INF2: variants seen among roughly 807,000 people sequenced by gnomAD.
INF2 encodes the protein inverted formin 2.
In INF2, 43 loss-of-function variants were observed where a neutral mutation model predicts 123.5. That is an observed-to-expected ratio of 0.35 (90% confidence interval 0.27 to 0.45). INF2 has a LOEUF of 0.45. Ranked by LOEUF, INF2 falls within the 20% of genes least tolerant of loss-of-function variation. INF2 has a pLI of 1.00. For missense variants in INF2, 1,453 were observed against 1,682.7 expected (o/e 0.86, Z 2.39); for synonymous variants, 851 against 745.0 (o/e 1.14, Z -2.32).
In INF2 at chr14:104,721,297, G is replaced by A. The variant is rs1246904593; in HGVS notation, c.*2504G>A. 7.3e-6 allele frequency: 1 copy of A among 136,828 alleles called. No individual in the cohort carries two copies. The highest frequency in any genetic ancestry group is 2.9e-5 in the African/African-American group (1 of 34,756). 8.5% of individuals were successfully genotyped at this position (136,828 alleles called of 1,614,324 possible). On this transcript the variant is annotated 3_prime_UTR_variant, in exon 23 of 23. Transcript: ENST00000392634. ...TGTGGATGCTGCTGTGGACGTCTGC[G>A]TAGTCTCGTGTGGATGCTGCTGTGG...
intron 22 of INF2, among the ~76,000 whole-genome samples, chr14:104,717,295 TCCCCC>T (rs35581629): frequency 2.2e-5 from 2 of 92,148 alleles, no homozygotes; most frequent in African/African-American, 1.0e-4. Flanking sequence ...GTCCTCCCAG[TCCCCC>T]CCCCGGGCAG....
At chr14:104,701,106 G>C (rs1346333856) in intron 1 of INF2, among the ~76,000 whole-genome samples, 1 of 152,034 alleles carries the variant, frequency 6.6e-6, no homozygotes, top group Non-Finnish European at 1.5e-5. Flanking sequence ...CCTGAGCCTC[G>C]GGGTCCTCAT....
chr14:104,701,777 G>A (rs1197915845), intron 2 of INF2, 21 bp downstream of exon 2: 2 of 1,467,310 alleles, frequency 1.4e-6, no homozygotes, highest in Non-Finnish European at 1.8e-6. Context: ...GTGTGGGAGG[G>A]CCGCCCAGGC....
Position 104,701,503 on chromosome 14 carries a change from T to G in INF2, c.138T>G (p.Ser46=). The G allele has an allele frequency of 6.2e-7, 1 of 1,605,816 alleles. No individual in the cohort carries two copies. The highest frequency in any genetic ancestry group is 8.5e-7 in the Non-Finnish European group (1 of 1,176,738). Residue 46 remains serine, a synonymous_variant, in exon 2 of 23, where the codon TCT becomes TCG. Transcript: ENST00000392634. The part of the protein sequence containing the change: ...ELCIRLLQMP[S]VVNYSGLRKR... Reference sequence around the variant, plus strand: ...GCATCCGGCTGCTCCAGATGCCCTCTGTGGTCAACTACTCCGGCCTGCGCA... The same window carrying G: ...GCATCCGGCTGCTCCAGATGCCCTCGGTGGTCAACTACTCCGGCCTGCGCA...
intron 19 of INF2, 25 bp from the exon 20 acceptor site, chr14:104,713,420 T>G: frequency 3.1e-6 from 5 of 1,604,264 alleles, no homozygotes; most frequent in Non-Finnish European, 4.3e-6. Context: ...CCCATGCCGC[T>G]CTCTGAGTGC....
chr14:104,690,313 G>T (rs1888879725), intron 1 of INF2: 1 of 152,234 alleles, frequency 6.6e-6, no homozygotes, highest in African/African-American at 2.4e-5. Flanking sequence ...ATCCCTGTAC[G>T]CCCCCAGACC....
Position 104,714,316 on chromosome 14 carries a change from G to C in INF2, c.3154G>C (p.Ala1052Pro). The C allele has an allele frequency of 6.3e-7, 1 of 1,590,066 alleles. No homozygotes were observed. The highest frequency in any genetic ancestry group is 8.6e-7 in the Non-Finnish European group (1 of 1,169,470). Residue 1052 changes from alanine (A) to proline (P), a missense_variant, in exon 21 of 23, where the codon GCC becomes CCC. Ala to Pro is a conservative substitution (Grantham distance 27). Transcript: ENST00000392634. ...SESRGWDLVD[A>P]VTPGPQPTLE... ...GTCCCGGGGCTGGGACCTTGTAGACGCCGTGACCCCCGGCCCTCAGCCCAC... is the reference window on the plus strand; with the variant it reads ...GTCCCGGGGCTGGGACCTTGTAGACCCCGTGACCCCCGGCCCTCAGCCCAC...
Position 104,703,905 on chromosome 14 carries a change from T to C in INF2, c.668-11T>C. On this transcript the variant is annotated splice_polypyrimidine_tract_variant and intron_variant, in intron 4 of 22. Coordinates refer to ENST00000392634, the MANE Select transcript of INF2 (RefSeq NM_022489.4). ...CCTCCGAACCCTCTGACCCTGTCCG[T>C]CCCTTCCCAGGGCTGCAGCTGCTGG... 6.2e-7 allele frequency: 1 copy of C among 1,611,130 alleles called. No homozygotes were observed. The highest frequency in any genetic ancestry group is 8.5e-7 in the Non-Finnish European group (1 of 1,179,900).
chr14:104,682,922 G>C (rs1888562556), intron 1 of INF2, among the ~76,000 whole-genome samples: 1 of 152,070 alleles, frequency 6.6e-6, no homozygotes, highest in South Asian at 2.1e-4. Context: ...TGCGCTAGTG[G>C]CTGGGGCCTC....
chr14:104,683,547 G>A (rs989142335), intron 1 of INF2, among the ~76,000 whole-genome samples: 21 of 152,016 alleles, frequency 1.4e-4, no homozygotes, highest in South Asian at 4.1e-4. Context: ...GCAGACAGTC[G>A]CAGTGGTGTC....
chr14:104,689,592 C>G, upstream of INF2: 1 of 591,646 alleles, frequency 1.7e-6, no homozygotes, highest in African/African-American at 2.0e-5. Context: ...CCTCTTCCTC[C>G]CGCCCGCCCC....
intron 1 of INF2, among the ~76,000 whole-genome samples, chr14:104,682,752 A>G (rs1888556294): frequency 6.6e-6 from 1 of 152,124 alleles, no homozygotes; most frequent in South Asian, 2.1e-4. Flanking sequence ...TCACCGTGAA[A>G]CCAAGCCCTC....
At chr14:104,686,313 G>A (rs117321464), upstream of INF2, among the ~76,000 whole-genome samples, 1,268 of 151,668 alleles carry the variant, frequency 8.4e-3, 2 homozygotes, top group Non-Finnish European at 0.015. Flanking sequence ...GGGTAGGTGG[G>A]TGGATGGGTG....
Position 104,711,014 on chromosome 14 carries a change from CA to C in INF2, c.2310+8del, listed in dbSNP as rs3840006. 909,812 of 1,611,186 alleles carry C rather than the reference CA, an allele frequency of 0.56. 261,314 individuals are homozygous for C. The highest frequency in any genetic ancestry group is 0.91 in the East Asian group (40,692 of 44,784). ...TGGGAACTTCCTCAACTACGTAAGT[CA>C]GGGGCAGCTCCCCATCCCACCTGGT... On this transcript the variant is annotated splice_region_variant and intron_variant, in intron 14 of 22. Transcript: ENST00000392634.
At chr14:104,708,869 G>T in intron 10 of INF2, 137 bp downstream of exon 10, 1 of 974,482 alleles carries the variant, frequency 1.0e-6, no homozygotes, top group Admixed American at 1.8e-5. Flanking sequence ...GATTGTAGGC[G>T]GGTAATAGCC....
In INF2 at chr14:104,715,565, C is replaced by T. The variant is rs115444501; in HGVS notation, c.*1+225C>T. ...CAACTGGTGCCTCCTGCAGGCAGGA[C>T]GCAACCTCAGTGCTGGCCCCGGGCA... On this transcript the variant is annotated intron_variant, in intron 22 of 22. Transcript: ENST00000392634. Among the ~76,000 whole-genome samples, 287 of 152,266 alleles carry T rather than the reference C, an allele frequency of 1.9e-3. 3 individuals are homozygous for T. Among genetic ancestry groups the T allele is most frequent in the African/African-American group, 6.7e-3 (277 of 41,552 alleles).
At chr14:104,704,287 T>G in intron 5 of INF2, 2 of 854,140 alleles carry the variant, frequency 2.3e-6, no homozygotes, top group East Asian at 3.2e-5. Context: ...AAGAGGGAAC[T>G]ACAGGGTGGT....
upstream of INF2, among the ~76,000 whole-genome samples, chr14:104,687,460 C>CCACACA (rs5811148): frequency 2.7e-5 from 4 of 149,400 alleles, no homozygotes; most frequent in Admixed American, 6.6e-5. This position sits in a 1 kb window ranked among gnomAD's most constrained non-coding sequence, Gnocchi z 5.6. Context: ...GGCCTCCACT[C>CCACACA]CACACACACA....
At chr14:104,695,104 C>T (rs1277392144) in intron 1 of INF2, among the ~76,000 whole-genome samples, 1 of 152,128 alleles carries the variant, frequency 6.6e-6, no homozygotes, top group Non-Finnish European at 1.5e-5. Flanking sequence ...CTCCTGGCCA[C>T]CTGCCCTCAT....
Sources: gnomAD v4.1 joint callset for allele counts (sites outside exome capture counted in the v4.1 genomes callset) on GRCh38, gnomAD v4.1.1 for gene constraint, Gnocchi (gnomAD v3.1) non-coding constraint, MANE v1.5 for transcripts, NCBI Gene and HGNC (gene_info 2026-07-23, HGNC 2026-07-21) for gene names.